MACROD2: variants seen among roughly 807,000 people sequenced by gnomAD.
MACROD2 encodes mono-ADP ribosylhydrolase 2, also known as ADP-ribose glycohydrolase MACROD2.
Under a neutral mutation model 70.4 loss-of-function variants are expected in MACROD2, and 36 were observed. The observed-to-expected ratio is 0.51, with a 90% CI of 0.39 to 0.68. MACROD2 has a LOEUF of 0.68. Ranked by LOEUF, MACROD2 falls within the 30% of genes least tolerant of loss-of-function variation. MACROD2 has a pLI of 0.00. For missense variants in MACROD2, 496 were observed against 538.4 expected, an observed-to-expected ratio of 0.92 and a Z score of 0.78; for synonymous variants, 172 against 178.8, an observed-to-expected ratio of 0.96 and a Z score of 0.30.
chr20:14,171,012 A>G (rs1043191595), intron 3 of MACROD2, among the ~76,000 whole-genome samples: 1 of 152,128 alleles, frequency 6.6e-6, no homozygotes, highest in Admixed American at 6.5e-5. Flanking sequence ...TTACCATTTC[A>G]GTCTCGCTGC....
chr20:15,427,182 T>C (rs1600396369), intron 6 of MACROD2, among the ~76,000 whole-genome samples: 1 of 152,208 alleles, frequency 6.6e-6, no homozygotes, highest in East Asian at 1.9e-4. Context: ...AATGCAATAA[T>C]ATTACCAAAG....
intron 5 of MACROD2, among the ~76,000 whole-genome samples, chr20:15,213,639 G>T (rs2076783355): frequency 6.6e-6 from 1 of 152,130 alleles, no homozygotes; most frequent in Non-Finnish European, 1.5e-5. Context: ...TACAGTGTGG[G>T]TGCATCTGGC....
chr20:15,162,825 G>A (rs965349560), intron 5 of MACROD2, among the ~76,000 whole-genome samples: 1 of 151,972 alleles, frequency 6.6e-6, no homozygotes, highest in Non-Finnish European at 1.5e-5. Flanking sequence ...ATGCATTCAG[G>A]GAGAAACACA....
At chr20:15,856,920 G>A (rs535168093) in intron 8 of MACROD2, among the ~76,000 whole-genome samples, 2 of 152,248 alleles carry the variant, frequency 1.3e-5, no homozygotes, top group East Asian at 1.9e-4. Context: ...AAAGTTCATC[G>A]AAAAAGAAGT....
intron 8 of MACROD2, among the ~76,000 whole-genome samples, chr20:15,830,110 G>A (rs2064038710): frequency 6.6e-6 from 1 of 152,102 alleles, no homozygotes; most frequent in Admixed American, 6.5e-5. Context: ...GCAAGTGGTG[G>A]GCAGCCATAT....
intron 5 of MACROD2, among the ~76,000 whole-genome samples, chr20:14,892,080 G>A (rs1320802021): frequency 6.6e-6 from 1 of 152,098 alleles, no homozygotes; most frequent in Admixed American, 6.6e-5. Flanking sequence ...TGAAGGTTTC[G>A]ATAGTTGTCC....
Position 13,995,850 on chromosome 20 carries a change from GTTAGGGTGGGGGC to G in MACROD2, c.46+42_46+54del. The G allele has an allele frequency of 9.9e-6, 5 of 505,100 alleles. No individual in the cohort carries two copies. Among genetic ancestry groups the G allele is most frequent in the Non-Finnish European group, 1.9e-5 (5 of 266,320 alleles). The allele number at this position is 505,100 out of a possible 1,614,324, so 31.3% of individuals were successfully genotyped here. A position where few individuals can be genotyped will look rare whatever the true frequency, so the allele number is the denominator to read the frequency against. On this transcript the variant is annotated intron_variant, in intron 1 of 17. Transcript: ENST00000684519. This position sits in a 1 kb window ranked among gnomAD's most constrained non-coding sequence, Gnocchi z 4.3. Reference sequence around the variant, plus strand: ...AGTCCTGGGGGTGCGGGCGGTGGGGGTTAGGGTGGGGGCGGGGGTCAGGCTGTGTGTGCCGCGG... The same window carrying G: ...AGTCCTGGGGGTGCGGGCGGTGGGGGGGGGGTCAGGCTGTGTGTGCCGCGG...
At chr20:15,827,700 T>A (rs1304738060) in intron 8 of MACROD2, among the ~76,000 whole-genome samples, 1 of 152,192 alleles carries the variant, frequency 6.6e-6, no homozygotes, top group East Asian at 1.9e-4. Context: ...TCTAGAAAGT[T>A]ATCAGCATGA....
At chr20:14,776,195 G>T (rs1385825938) in intron 5 of MACROD2, among the ~76,000 whole-genome samples, 2 of 151,986 alleles carry the variant, frequency 1.3e-5, no homozygotes, top group Non-Finnish European at 2.9e-5. Context: ...ACAGCATAGG[G>T]AGGGATTTTC....
chr20:15,234,506 A>G (rs1365078433), intron 6 of MACROD2, among the ~76,000 whole-genome samples: 1 of 152,122 alleles, frequency 6.6e-6, no homozygotes, highest in Admixed American at 6.5e-5. Context: ...CTTGGGAAAG[A>G]CAAAGATATA....
chr20:15,590,101 A>C (rs1423422533), intron 8 of MACROD2, among the ~76,000 whole-genome samples: 1 of 152,228 alleles, frequency 6.6e-6, no homozygotes, highest in East Asian at 1.9e-4. Context: ...ATATTATAAA[A>C]TTATCATTTT....
intron 8 of MACROD2, among the ~76,000 whole-genome samples, chr20:15,521,630 T>C (rs1334990632): frequency 6.6e-6 from 1 of 152,186 alleles, no homozygotes; most frequent in African/African-American, 2.4e-5. Context: ...TAAATAACAG[T>C]ATGGCACACA....
At chr20:14,409,091 C>T (rs73256915) in intron 3 of MACROD2, among the ~76,000 whole-genome samples, 275 of 151,120 alleles carry the variant, frequency 1.8e-3, no homozygotes, top group African/African-American at 6.1e-3. Flanking sequence ...CTTACTTTGC[C>T]GTGGGCTGTC....
intron 11 of MACROD2, among the ~76,000 whole-genome samples, chr20:15,936,691 A>G (rs200312301): frequency 2.1e-5 from 3 of 139,838 alleles, no homozygotes; most frequent in South Asian, 2.3e-4. Context: ...ATATATATTC[A>G]TTTTCCAGTT....
chr20:14,564,046 C>A (rs1246658678), intron 4 of MACROD2, among the ~76,000 whole-genome samples: 1 of 151,856 alleles, frequency 6.6e-6, no homozygotes. Context: ...GGCTACATAC[C>A]TACAAGTACC....
intron 17 of MACROD2, among the ~76,000 whole-genome samples, chr20:16,048,086 G>A (rs1443690750): frequency 6.6e-6 from 1 of 152,150 alleles, no homozygotes; most frequent in East Asian, 1.9e-4. Flanking sequence ...ATTGATTACA[G>A]ACCAGTGTGA....
Position 13,995,676 on chromosome 20 carries a change from C to A in MACROD2, c.-88C>A. The A allele has an allele frequency of 2.2e-6, 2 of 895,866 alleles. No individual in the cohort carries two copies. The highest frequency in any genetic ancestry group is 1.3e-5 in the South Asian group (1 of 74,124). 55.5% of individuals were successfully genotyped at this position (895,866 alleles called of 1,614,324 possible). ...TTTCACTTTTTCCCTGCTGAGTGCC[C>A]CCTCCCACCCCTCCCACTCCACACA... is the stretch of plus-strand genomic sequence containing the variant. On this transcript the variant is annotated 5_prime_UTR_variant, in exon 1 of 18. Coordinates refer to ENST00000684519, the MANE Select transcript of MACROD2 (RefSeq NM_001351661.2). The surrounding 1 kb of genome is among the most constrained non-coding windows in gnomAD (Gnocchi z 4.3).
intron 8 of MACROD2, among the ~76,000 whole-genome samples, chr20:15,564,994 TGG>T (rs1167941699): frequency 6.6e-6 from 1 of 152,192 alleles, no homozygotes; most frequent in African/African-American, 2.4e-5. Flanking sequence ...CCAGTTTTCC[TGG>T]CAAATGTACT....
chr20:14,420,927 A>G (rs1033228212), intron 3 of MACROD2, among the ~76,000 whole-genome samples: 1 of 152,184 alleles, frequency 6.6e-6, no homozygotes, highest in African/African-American at 2.4e-5. Context: ...TCCTGGGCTC[A>G]AGCAATCCTC....
Sources: allele counts gnomAD v4.1 joint callset (sites outside exome capture counted in the v4.1 genomes callset), GRCh38; gene constraint gnomAD v4.1.1; non-coding constraint Gnocchi (gnomAD v3.1); transcripts MANE v1.5; gene names NCBI Gene and HGNC (gene_info 2026-07-23, HGNC 2026-07-21).